Variants in MIAT observed in about 807,000 individuals in gnomAD.
MIAT encodes the protein myocardial infarction associated transcript.
exon 6 of MIAT, chr22:26,668,718 C>A: frequency 2.5e-6 from 1 of 399,112 alleles, no homozygotes; most frequent in South Asian, 1.3e-4. Flanking sequence ...TCCATTTGCT[C>A]AGTGCGTAAT....
chr22:26,650,009 T>A (rs1330613491), intron 2 of MIAT, among the ~76,000 whole-genome samples: 1 of 152,240 alleles, frequency 6.6e-6, no homozygotes, highest in Non-Finnish European at 1.5e-5. Context: ...TCAGCAGGAC[T>A]GAGTTCTAGT....
chr22:26,675,502 T>G (rs2146024222), exon 5 of MIAT: 1 of 398,676 alleles, frequency 2.5e-6, no homozygotes, highest in Middle Eastern at 6.3e-4. Flanking sequence ...TGGCCACATT[T>G]TAGACAACTG....
chr22:26,649,080 G>A (rs989619683), intron 2 of MIAT, among the ~76,000 whole-genome samples: 1 of 152,194 alleles, frequency 6.6e-6, no homozygotes, highest in Non-Finnish European at 1.5e-5. Flanking sequence ...TCATACTAAT[G>A]TGAGAGAGAG....
At chr22:26,656,902 C>T (rs1785117374) in intron 2 of MIAT, among the ~76,000 whole-genome samples, 1 of 152,080 alleles carries the variant, frequency 6.6e-6, no homozygotes, top group South Asian at 2.1e-4. Flanking sequence ...GAGTGAGGTC[C>T]CATCTCTAAA....
intron 2 of MIAT, among the ~76,000 whole-genome samples, chr22:26,652,162 A>T (rs1292896385): frequency 6.6e-6 from 1 of 151,996 alleles, no homozygotes; most frequent in African/African-American, 2.4e-5. Flanking sequence ...CCTGGCTAAT[A>T]TTTAAAAGGT....
downstream of MIAT, chr22:26,669,785 G>A (rs1312556765): frequency 1.8e-5 from 7 of 398,804 alleles, no homozygotes; most frequent in Admixed American, 2.6e-4. Context: ...TGGCTCAGGA[G>A]TGCTTCGGAG....
chr22:26,667,311 G>C (rs1930879844), intron 5 of MIAT: 4 of 394,414 alleles, frequency 1.0e-5, no homozygotes, highest in Non-Finnish European at 1.8e-5. Context: ...CGGCAAGGGG[G>C]TGAGCTCCTC....
chr22:26,672,118 T>C, downstream of MIAT: 1 of 399,810 alleles, frequency 2.5e-6, no homozygotes, highest in Non-Finnish European at 4.4e-6. Flanking sequence ...GTTCTTCCTT[T>C]TCTCTTAGCG....
At chr22:26,673,913 A>G (rs1931163851), downstream of MIAT, 1 of 398,540 alleles carries the variant, frequency 2.5e-6, no homozygotes, top group Non-Finnish European at 4.4e-6. Context: ...TTCACTCCTC[A>G]TAGTCTGCAT....
At chr22:26,646,971 A>G (rs1930245226) in intron 1 of MIAT, 1 of 398,514 alleles carries the variant, frequency 2.5e-6, no homozygotes, top group African/African-American at 2.1e-5. Context: ...TAAGTCCCTG[A>G]AAGGGGACTG....
chr22:26,665,837 G>A, exon 4 of MIAT: 1 of 398,632 alleles, frequency 2.5e-6, no homozygotes, highest in Non-Finnish European at 4.4e-6. Context: ...GTTAGGGCTA[G>A]TATTTCACAA....
At chr22:26,673,634 GGGCTAACACAGCTTTGAACTT>G (rs1289702635), downstream of MIAT, 2 of 398,680 alleles carry the variant, frequency 5.0e-6, no homozygotes, top group Non-Finnish European at 8.8e-6. Context: ...GGCTGGGAAG[GGGCTAACACAGCTTTGAACTT>G]GGCTAACACA....
intron 5 of MIAT, chr22:26,667,347 T>TGTGC (rs1930883267): frequency 2.5e-6 from 1 of 397,270 alleles, no homozygotes; most frequent in South Asian, 1.3e-4. Flanking sequence ...TGTGTGTGTG[T>TGTGC]GTGTGTGCGT....
At chr22:26,671,326 C>T (rs1403366267), downstream of MIAT, 1 of 398,622 alleles carries the variant, frequency 2.5e-6, no homozygotes, top group Non-Finnish European at 4.4e-6. Flanking sequence ...ACCCCCTGCC[C>T]TGGTCAGGCC....
At chr22:26,662,464 C>T (rs1159890389) in intron 2 of MIAT, among the ~76,000 whole-genome samples, 1 of 152,178 alleles carries the variant, frequency 6.6e-6, no homozygotes, top group Non-Finnish European at 1.5e-5. Flanking sequence ...TTTCCTTCTT[C>T]TTGGTTTTCT....
At chr22:26,668,524 G>A (rs1930933185) in exon 6 of MIAT, 1 of 399,106 alleles carries the variant, frequency 2.5e-6, no homozygotes, top group Non-Finnish European at 4.4e-6. Flanking sequence ...TCCTCCTCGC[G>A]TTTCTGCCGG....
chr22:26,657,289 G>A (rs558504348), intron 2 of MIAT: 2 of 389,226 alleles, frequency 5.1e-6, no homozygotes, highest in South Asian at 1.4e-4. Context: ...TGTGCGGCGG[G>A]GGCTGCGGAG....
downstream of MIAT, chr22:26,672,044 C>T (rs2146020105): frequency 2.5e-6 from 1 of 399,252 alleles, no homozygotes. Flanking sequence ...ACTAACCCGT[C>T]TAACCCCTGG....
chr22:26,671,229 A>G, downstream of MIAT: 2 of 398,684 alleles, frequency 5.0e-6, no homozygotes, highest in Non-Finnish European at 8.8e-6. Flanking sequence ...TGAGACCCAC[A>G]GCCAATAAAT....
Sources: gnomAD v4.1 joint callset for allele counts (sites outside exome capture counted in the v4.1 genomes callset) on GRCh38, gnomAD v4.1.1 for gene constraint, MANE v1.5 for transcripts, NCBI Gene and HGNC (gene_info 2026-07-23, HGNC 2026-07-21) for gene names.